Variants in PRRX1 observed in about 807,000 individuals in gnomAD.
The protein encoded by PRRX1 is paired mesoderm homeobox protein 1.
Under a neutral mutation model 24.0 loss-of-function variants are expected in PRRX1, and 8 were observed. The ratio of observed to expected loss-of-function variants is 0.33; its 90% CI spans 0.20 to 0.60. PRRX1 has a LOEUF of 0.60. Ranked by LOEUF, PRRX1 falls within the 20% of genes least tolerant of loss-of-function variation. PRRX1 has a pLI of 0.82. For synonymous variants in PRRX1, 160 were observed against 131.7 expected, an observed-to-expected ratio of 1.22 and a Z score of -1.47; for missense variants, 281 against 322.4, an observed-to-expected ratio of 0.87 and a Z score of 0.98.
chr1:170,690,264 T>A (rs1653894250), intron 1 of PRRX1, among the ~76,000 whole-genome samples: 1 of 152,058 alleles, frequency 6.6e-6, no homozygotes, highest in South Asian at 2.1e-4. Flanking sequence ...ATATGAACCC[T>A]AAATCAGCTG....
At chr1:170,666,820 G>A (rs774154310) in intron 1 of PRRX1, among the ~76,000 whole-genome samples, 3 of 152,092 alleles carry the variant, frequency 2.0e-5, no homozygotes, top group East Asian at 1.9e-4. Flanking sequence ...CTCGGGATTC[G>A]TCGTGGCCTT....
chr1:170,732,801 T>C (rs1395829031), intron 3 of PRRX1, among the ~76,000 whole-genome samples: 1 of 152,162 alleles, frequency 6.6e-6, no homozygotes, highest in Non-Finnish European at 1.5e-5. Flanking sequence ...GAAAATATTA[T>C]CACCTATCAA....
chr1:170,724,176 T>C (rs1405890296), intron 2 of PRRX1, among the ~76,000 whole-genome samples: 5 of 152,244 alleles, frequency 3.3e-5, no homozygotes, highest in African/African-American at 9.6e-5. Flanking sequence ...TCCTTGTAGA[T>C]TCTGGATATT....
intron 1 of PRRX1, among the ~76,000 whole-genome samples, chr1:170,703,612 A>C (rs1266576226): frequency 6.6e-6 from 1 of 151,594 alleles, no homozygotes; most frequent in Non-Finnish European, 1.5e-5. Context: ...TTTTTAAGTC[A>C]TCTTACTTGA....
chr1:170,733,699 G>C (rs1420730338), intron 3 of PRRX1, among the ~76,000 whole-genome samples: 1 of 151,986 alleles, frequency 6.6e-6, no homozygotes, highest in African/African-American at 2.4e-5. Context: ...AGGTTGACTT[G>C]GTTGATTTTA....
chr1:170,724,116 C>T (rs1655175254), intron 2 of PRRX1, among the ~76,000 whole-genome samples: 1 of 152,114 alleles, frequency 6.6e-6, no homozygotes, highest in Admixed American at 6.5e-5. Flanking sequence ...ATATCGTTTG[C>T]CCACTTTTTC....
intron 1 of PRRX1, among the ~76,000 whole-genome samples, chr1:170,671,660 A>C (rs923699225): frequency 5.3e-5 from 8 of 152,236 alleles, no homozygotes; most frequent in Non-Finnish European, 1.0e-4. Context: ...TAGGAATATA[A>C]GGTGCACACA....
chr1:170,669,341 C>A (rs1653060057), intron 1 of PRRX1: 1 of 145,134 alleles, frequency 6.9e-6, no homozygotes, highest in Non-Finnish European at 1.5e-5. Context: ...CTTCCTCTTC[C>A]CAGGAGTGTC....
At chr1:170,683,397 A>G (rs893983070) in intron 1 of PRRX1, among the ~76,000 whole-genome samples, 1 of 152,160 alleles carries the variant, frequency 6.6e-6, no homozygotes, top group Non-Finnish European at 1.5e-5. Context: ...AGAGAGGACA[A>G]TGTCAATGAG....
chr1:170,702,147 G>A (rs1654407059), intron 1 of PRRX1, among the ~76,000 whole-genome samples: 1 of 152,196 alleles, frequency 6.6e-6, no homozygotes, highest in Non-Finnish European at 1.5e-5. Flanking sequence ...ACTCGTATAA[G>A]AATCTAATGC....
At chr1:170,721,066 CT>C (rs1206711500) in intron 2 of PRRX1, among the ~76,000 whole-genome samples, 2 of 152,164 alleles carry the variant, frequency 1.3e-5, no homozygotes, top group African/African-American at 4.8e-5. Context: ...TAGGAAGTGT[CT>C]GAAATAGGAT....
intron 1 of PRRX1, among the ~76,000 whole-genome samples, chr1:170,687,573 A>G (rs906461621): frequency 6.6e-6 from 1 of 152,188 alleles, no homozygotes; most frequent in African/African-American, 2.4e-5. Context: ...CCTTTTCTCT[A>G]AAATGAGGAT....
chr1:170,664,103 C>CTCTCTCTCTCTT, upstream of PRRX1: 1 of 1,070,622 alleles, frequency 9.3e-7, no homozygotes, highest in Admixed American at 2.6e-5. Context: ...CTCTCTCTCT[C>CTCTCTCTCTCTT]TCTCCACTAC....
chr1:170,677,260 C>T (rs902686456), intron 1 of PRRX1, among the ~76,000 whole-genome samples: 1 of 152,188 alleles, frequency 6.6e-6, no homozygotes, highest in Non-Finnish European at 1.5e-5. Context: ...TCTCAATTTC[C>T]TCATCTATAA....
intron 1 of PRRX1, among the ~76,000 whole-genome samples, chr1:170,708,448 T>C (rs1438443015): frequency 6.6e-6 from 1 of 152,180 alleles, no homozygotes; most frequent in African/African-American, 2.4e-5. Flanking sequence ...GTAATGTTCC[T>C]GTATATTGGA....
At chr1:170,733,454 G>A (rs1655502443) in intron 3 of PRRX1, among the ~76,000 whole-genome samples, 1 of 152,100 alleles carries the variant, frequency 6.6e-6, no homozygotes, top group Non-Finnish European at 1.5e-5. Context: ...ATTAGACCAA[G>A]TACTTAAAAG....
chr1:170,692,903 A>T (rs943346404), intron 1 of PRRX1, among the ~76,000 whole-genome samples: 3 of 152,134 alleles, frequency 2.0e-5, no homozygotes, highest in Admixed American at 1.3e-4. Context: ...GACTTGGCCT[A>T]ATCCTATATA....
intron 1 of PRRX1, among the ~76,000 whole-genome samples, chr1:170,679,983 C>CT (rs1401430532): frequency 6.6e-6 from 1 of 151,874 alleles, no homozygotes; most frequent in Non-Finnish European, 1.5e-5. Flanking sequence ...TTAATTTTCC[C>CT]TTTTTTCTGA....
In PRRX1 at chr1:170,670,561, CGTT is replaced by C. The variant is rs574393812; in HGVS notation, c.241+6105_241+6107del. Among the ~76,000 whole-genome samples the C allele has an allele frequency of 1.7e-3, 263 of 152,070 alleles. 2 individuals are homozygous for C. The highest frequency in any genetic ancestry group is 6.1e-3 in the African/African-American group (254 of 41,478). On this transcript the variant is annotated intron_variant, in intron 1 of 3. Coordinates refer to ENST00000239461, the MANE Select transcript of PRRX1 (RefSeq NM_022716.4). Reference sequence around the variant, plus strand: ...TGTGGACTAAATATTAGTAGATTGTCGTTGTCATTTTTCTAATTTAATGCGGCA... The same window carrying C: ...TGTGGACTAAATATTAGTAGATTGTCGTCATTTTTCTAATTTAATGCGGCA...
Sources: allele counts gnomAD v4.1 joint callset (sites outside exome capture counted in the v4.1 genomes callset), GRCh38; gene constraint gnomAD v4.1.1; transcripts MANE v1.5; gene names NCBI Gene and HGNC (gene_info 2026-07-23, HGNC 2026-07-21).